Variants in COL25A1 observed in about 807,000 individuals in gnomAD.
COL25A1 encodes collagen alpha-1(XXV) chain.
In COL25A1, 103 loss-of-function variants were observed where a neutral mutation model predicts 128.4. That is an observed-to-expected ratio of 0.80 (90% CI 0.68 to 0.94). The LOEUF is 0.94. COL25A1 is among the 40% of genes least tolerant of loss of function. COL25A1 has a pLI of 0.00. For synonymous variants in COL25A1, 279 were observed against 277.2 expected (o/e 1.01, Z -0.06); for missense variants, 745 against 840.0 (o/e 0.89, Z 1.40).
chr4:109,050,066 T>C, intron 4 of COL25A1, 69 bp downstream of exon 4: 1 of 1,270,492 alleles, frequency 7.9e-7, no homozygotes, highest in South Asian at 1.3e-5. Flanking sequence ...TTATCATTAA[T>C]TAGGAAGAAC....
chr4:109,200,583 T>C (rs915875586), intron 3 of COL25A1, among the ~76,000 whole-genome samples: 3 of 152,094 alleles, frequency 2.0e-5, no homozygotes, highest in Non-Finnish European at 4.4e-5. Flanking sequence ...TCAGCCTAGC[T>C]GGGACTGCAT....
At chr4:109,059,068 G>A (rs1371026543) in intron 3 of COL25A1, among the ~76,000 whole-genome samples, 2 of 152,142 alleles carry the variant, frequency 1.3e-5, no homozygotes, top group African/African-American at 4.8e-5. Context: ...GGAAGCCAGA[G>A]AACCTAATGA....
intron 3 of COL25A1, among the ~76,000 whole-genome samples, chr4:109,123,701 A>G (rs950284337): frequency 3.3e-5 from 5 of 152,142 alleles, no homozygotes; most frequent in Non-Finnish European, 5.9e-5. Context: ...TGAAAAATGA[A>G]ATTATTTCCA....
chr4:108,829,564 T>C (rs1215548309), intron 32 of COL25A1, among the ~76,000 whole-genome samples: 2 of 152,150 alleles, frequency 1.3e-5, no homozygotes, highest in Non-Finnish European at 2.9e-5. Flanking sequence ...CTCCACAGAT[T>C]AGGGTGGGTC....
intron 5 of COL25A1, among the ~76,000 whole-genome samples, chr4:109,029,964 A>G (rs1050963397): frequency 6.6e-6 from 1 of 152,178 alleles, no homozygotes; most frequent in African/African-American, 2.4e-5. Context: ...ACCTAAATCT[A>G]TTCCCTGCTT....
chr4:109,147,457 A>G (rs955557366), intron 3 of COL25A1, among the ~76,000 whole-genome samples: 3 of 152,206 alleles, frequency 2.0e-5, no homozygotes, highest in African/African-American at 7.2e-5. Flanking sequence ...TTTACTTTCA[A>G]AAAGTATTTG....
At chr4:108,973,128 T>C (rs931368120) in intron 8 of COL25A1, among the ~76,000 whole-genome samples, 2 of 152,208 alleles carry the variant, frequency 1.3e-5, no homozygotes, top group African/African-American at 2.4e-5. Context: ...ATACTCGATA[T>C]GAGGAGACAT....
chr4:109,157,998 T>C (rs1307501129), intron 3 of COL25A1, among the ~76,000 whole-genome samples: 1 of 152,208 alleles, frequency 6.6e-6, no homozygotes, highest in African/African-American at 2.4e-5. Context: ...TGAATACTTC[T>C]ATATAAAATT....
chr4:109,221,186 A>G (rs1316096958), intron 3 of COL25A1, among the ~76,000 whole-genome samples: 1 of 143,368 alleles, frequency 7.0e-6, no homozygotes, highest in Non-Finnish European at 1.5e-5. Flanking sequence ...ACTAAGTACT[A>G]AACAATATGG....
intron 3 of COL25A1, among the ~76,000 whole-genome samples, chr4:109,122,526 T>C (rs1768196666): frequency 1.3e-5 from 2 of 152,038 alleles, no homozygotes; most frequent in African/African-American, 4.8e-5. Flanking sequence ...GTAGATAGAA[T>C]GTGAGTTATG....
At chr4:109,210,323 C>T (rs1194112057) in intron 3 of COL25A1, among the ~76,000 whole-genome samples, 1 of 152,078 alleles carries the variant, frequency 6.6e-6, no homozygotes, top group Non-Finnish European at 1.5e-5. Flanking sequence ...TGTCTAAAAC[C>T]TCTGAATGTC....
At chr4:108,998,650 T>A (rs1168793010) in intron 6 of COL25A1, among the ~76,000 whole-genome samples, 1 of 152,184 alleles carries the variant, frequency 6.6e-6, no homozygotes, top group Admixed American at 6.5e-5. Flanking sequence ...AAGGCCTGCA[T>A]AGCCAAGACA....
At chr4:109,019,132 C>T (rs1757466123) in intron 5 of COL25A1, among the ~76,000 whole-genome samples, 1 of 151,868 alleles carries the variant, frequency 6.6e-6, no homozygotes, top group South Asian at 2.1e-4. Flanking sequence ...TAATTAGCTT[C>T]CAGTGAACAA....
intron 12 of COL25A1, among the ~76,000 whole-genome samples, chr4:108,919,950 T>C (rs545907261): frequency 1.3e-5 from 2 of 152,142 alleles, no homozygotes; most frequent in Admixed American, 6.6e-5. Context: ...TTAGTAGAGA[T>C]GGGGTTTCAC....
intron 3 of COL25A1, among the ~76,000 whole-genome samples, chr4:109,105,483 T>C (rs1766342089): frequency 6.6e-6 from 1 of 152,116 alleles, no homozygotes; most frequent in Non-Finnish European, 1.5e-5. Flanking sequence ...AGTAAGAGGC[T>C]CCATCTCAAA....
At chr4:109,043,878 C>T (rs923094134) in intron 5 of COL25A1, among the ~76,000 whole-genome samples, 3 of 152,086 alleles carry the variant, frequency 2.0e-5, no homozygotes, top group African/African-American at 7.2e-5. Context: ...ATACAATGGA[C>T]TGACAAATCA....
chr4:109,182,690 T>C (rs1442465491), intron 3 of COL25A1, among the ~76,000 whole-genome samples: 3 of 152,084 alleles, frequency 2.0e-5, no homozygotes, highest in African/African-American at 7.2e-5. Context: ...ATAATCTTCC[T>C]ATTAAACAAA....
At chr4:108,848,399 T>C (rs1018704974) in intron 27 of COL25A1, among the ~76,000 whole-genome samples, 1 of 152,212 alleles carries the variant, frequency 6.6e-6, no homozygotes, top group Non-Finnish European at 1.5e-5. Flanking sequence ...AGGCAAGATT[T>C]AGTTTTGTGG....
At chr4:109,264,449 T>C (rs1401948110) in intron 3 of COL25A1, among the ~76,000 whole-genome samples, 4 of 152,208 alleles carry the variant, frequency 2.6e-5, no homozygotes, top group Middle Eastern at 3.4e-3. Context: ...CAAGGAACAA[T>C]ACTGGTTGGC....
Sources: allele counts gnomAD v4.1 joint callset (sites outside exome capture counted in the v4.1 genomes callset), GRCh38; gene constraint gnomAD v4.1.1; transcripts MANE v1.5; gene names NCBI Gene and HGNC (gene_info 2026-07-23, HGNC 2026-07-21).